Variants in LRRTM4 observed in about 807,000 individuals in gnomAD.
LRRTM4 encodes leucine rich repeat transmembrane neuronal 4.
A neutral mutation model predicts 47.6 loss-of-function variants in LRRTM4; 25 were observed. The observed-to-expected ratio is 0.53, with a 90% CI of 0.38 to 0.73. The LOEUF (loss-of-function observed/expected upper bound fraction) is 0.73, where lower values mean the gene tolerates loss of function less well. Ranked by LOEUF, LRRTM4 falls within the 30% of genes least tolerant of loss-of-function variation. The pLI is 0.00. For synonymous variants in LRRTM4, 311 were observed against 269.5 expected (o/e 1.15, Z -1.51); for missense variants, 638 against 713.4 (o/e 0.89, Z 1.20).
chr2:76,942,483 G>T (rs1675178900), intron 3 of LRRTM4, among the ~76,000 whole-genome samples: 1 of 136,596 alleles, frequency 7.3e-6, no homozygotes. Flanking sequence ...TTAAACTTCT[G>T]TGCTAACATT....
At chr2:77,126,248 C>T (rs966598545) in intron 3 of LRRTM4, among the ~76,000 whole-genome samples, 2 of 151,730 alleles carry the variant, frequency 1.3e-5, no homozygotes, top group Non-Finnish European at 2.9e-5. Flanking sequence ...TAAAGGAATA[C>T]ATTATAAATA....
At chr2:76,890,573 A>G (rs1223595752) in intron 3 of LRRTM4, among the ~76,000 whole-genome samples, 1 of 151,984 alleles carries the variant, frequency 6.6e-6, no homozygotes, top group Non-Finnish European at 1.5e-5. Flanking sequence ...TTAACAAAAT[A>G]AACATCAGAT....
chr2:76,884,092 C>A (rs1221285571), intron 3 of LRRTM4, among the ~76,000 whole-genome samples: 1 of 151,862 alleles, frequency 6.6e-6, no homozygotes, highest in Admixed American at 6.6e-5. Flanking sequence ...ATTGTTGAAC[C>A]ACCATGCCCA....
At chr2:77,516,400 C>A (rs573774160) in intron 3 of LRRTM4, among the ~76,000 whole-genome samples, 8 of 151,856 alleles carry the variant, frequency 5.3e-5, no homozygotes, top group African/African-American at 1.9e-4. Context: ...AGTCTTAGAA[C>A]CCCAGTTCTC....
chr2:76,780,274 G>A (rs1353486647), intron 3 of LRRTM4, among the ~76,000 whole-genome samples: 2 of 152,070 alleles, frequency 1.3e-5, no homozygotes, highest in African/African-American at 4.8e-5. Context: ...TCTTTGTGTT[G>A]TTCTCTGTAT....
At chr2:76,854,615 C>G (rs961006489) in intron 3 of LRRTM4, among the ~76,000 whole-genome samples, 5 of 152,034 alleles carry the variant, frequency 3.3e-5, no homozygotes, top group Non-Finnish European at 7.4e-5. Flanking sequence ...TTGAATTTAC[C>G]AATCACAGAA....
chr2:77,361,134 T>A (rs1162833874), intron 3 of LRRTM4, among the ~76,000 whole-genome samples: 1 of 152,074 alleles, frequency 6.6e-6, no homozygotes, highest in East Asian at 1.9e-4. Context: ...TGGTTCTTTA[T>A]CAGCTCCTTC....
chr2:77,034,793 G>C (rs577629962), intron 3 of LRRTM4, among the ~76,000 whole-genome samples: 40 of 152,022 alleles, frequency 2.6e-4, no homozygotes, highest in African/African-American at 9.1e-4. Context: ...CCTGTATTCA[G>C]TAATCTTTTG....
chr2:76,800,267 GGAACA>G (rs1224585034), intron 3 of LRRTM4, among the ~76,000 whole-genome samples: 2 of 149,108 alleles, frequency 1.3e-5, no homozygotes, highest in African/African-American at 5.0e-5. Context: ...ATAGATCAAT[GGAACA>G]GAACAGAGCC....
intron 3 of LRRTM4, among the ~76,000 whole-genome samples, chr2:77,495,956 A>G (rs935337076): frequency 1.3e-5 from 2 of 151,964 alleles, no homozygotes; most frequent in African/African-American, 4.8e-5. Context: ...TGTTGAATCT[A>G]TAAATCAGTC....
At chr2:76,909,756 C>G (rs1171536767) in intron 3 of LRRTM4, among the ~76,000 whole-genome samples, 3 of 152,218 alleles carry the variant, frequency 2.0e-5, no homozygotes, top group Non-Finnish European at 4.4e-5. Context: ...TGCTCACCAT[C>G]ACTGACTATC....
At chr2:76,932,234 G>A (rs1157741261) in intron 3 of LRRTM4, among the ~76,000 whole-genome samples, 1 of 152,082 alleles carries the variant, frequency 6.6e-6, no homozygotes, top group Non-Finnish European at 1.5e-5. Flanking sequence ...TGAACCTTGA[G>A]TTTAGTTACT....
intron 3 of LRRTM4, among the ~76,000 whole-genome samples, chr2:77,264,172 C>T (rs976984594): frequency 1.3e-5 from 2 of 152,024 alleles, no homozygotes; most frequent in Non-Finnish European, 2.9e-5. Flanking sequence ...GGTAATTTCT[C>T]TCAGTTCTGG....
intron 3 of LRRTM4, among the ~76,000 whole-genome samples, chr2:77,162,803 A>C (rs1672768253): frequency 6.6e-6 from 1 of 152,156 alleles, no homozygotes; most frequent in South Asian, 2.1e-4. Context: ...GGACATCCAC[A>C]CCAAAACCCC....
chr2:76,942,541 A>G (rs1675182559), intron 3 of LRRTM4, among the ~76,000 whole-genome samples: 1 of 150,410 alleles, frequency 6.6e-6, no homozygotes, highest in African/African-American at 2.4e-5. Context: ...TCAGCCAGAT[A>G]AAATAGAAAA....
intron 3 of LRRTM4, among the ~76,000 whole-genome samples, chr2:77,297,317 G>T (rs542217326): frequency 3.8e-4 from 58 of 151,958 alleles, no homozygotes; most frequent in African/African-American, 1.4e-3. Context: ...ATTTATTTAG[G>T]TCTATAAAAA....
intron 3 of LRRTM4, among the ~76,000 whole-genome samples, chr2:77,152,575 G>T (rs1354307101): frequency 6.6e-6 from 1 of 152,086 alleles, no homozygotes; most frequent in East Asian, 1.9e-4. Context: ...TGATCTGCCT[G>T]CCTCGGCCTC....
chr2:77,249,809 A>G (rs919383673), intron 3 of LRRTM4, among the ~76,000 whole-genome samples: 14 of 152,320 alleles, frequency 9.2e-5, no homozygotes, highest in African/African-American at 3.1e-4. Context: ...GCTAGCAGTC[A>G]TGCTCTTTTG....
intron 3 of LRRTM4, among the ~76,000 whole-genome samples, chr2:76,837,637 G>T (rs897446209): frequency 6.6e-6 from 1 of 152,034 alleles, no homozygotes; most frequent in Non-Finnish European, 1.5e-5. Context: ...ACATGCACAC[G>T]CATGTTTATT....
Sources: allele counts gnomAD v4.1 joint callset (sites outside exome capture counted in the v4.1 genomes callset), GRCh38; gene constraint gnomAD v4.1.1; transcripts MANE v1.5; gene names NCBI Gene and HGNC (gene_info 2026-07-23, HGNC 2026-07-21).